Variants in DPH7 observed in about 807,000 individuals in gnomAD.
DPH7 encodes diphthamide biosynthesis 7, also known as diphthine methyltransferase.
DPH7 carries 44 observed loss-of-function variants against 41.7 expected under a neutral mutation model. That is an observed-to-expected ratio of 1.05 (90% CI 0.83 to 1.36). The LOEUF is 1.36. Among genes scored for constraint, DPH7 ranks in the 40% most tolerant of loss-of-function variants. The pLI is 0.00. For synonymous variants in DPH7, 275 were observed against 238.0 expected, an observed-to-expected ratio of 1.16 and a Z score of -1.43; for missense variants, 629 against 577.5, an observed-to-expected ratio of 1.09 and a Z score of -0.91.
chr9:137,554,702 A>C lies in DPH7; in HGVS notation c.*537T>G, dbSNP rs1436153003. ...CAATCCTCCTGCCTCAGCCCCTTCC[A>C]AAGTGCTGGGATTACAGGCCACTGT... On this transcript the variant is annotated 3_prime_UTR_variant, in exon 9 of 9. Coordinates refer to ENST00000277540, the MANE Select transcript of DPH7 (RefSeq NM_138778.5). Among the ~76,000 whole-genome samples, 1 of 152,164 alleles carries C rather than the reference A, an allele frequency of 6.6e-6. No individual in the cohort carries two copies. The highest frequency in any genetic ancestry group is 6.6e-5 in the Admixed American group (1 of 15,266).
Position 137,555,334 on chromosome 9 carries a change from C to A in DPH7, c.1264G>T (p.Val422Leu). 6.2e-7 allele frequency: 1 copy of A among 1,614,176 alleles called. No homozygotes were observed. The highest frequency in any genetic ancestry group is 8.5e-7 in the Non-Finnish European group (1 of 1,180,024). The change falls in exon 9 of 9, where the codon GTG (valine) becomes TTG (leucine). Residue 422 changes from valine (V) to leucine (L), a missense_variant. Val to Leu is a conservative substitution (Grantham distance 32). Transcript: ENST00000277540. ...GCTGAGTCTGCTTCTTCTGGGTTCA[C>A]GCCACAGTCACGTGTGGTGGCTGCT... The part of the protein sequence containing the change: ...ATAATTRDCG[V>L]NPEEADSAFS...
chr9:137,564,752 T>C, intron 7 of DPH7, 141 bp downstream of exon 7: 1 of 1,420,754 alleles, frequency 7.0e-7, no homozygotes, highest in Non-Finnish European at 9.7e-7. Context: ...CCCATATACC[T>C]ACACTCCGGC....
intron 1 of DPH7, chr9:137,577,890 G>A: frequency 1.1e-6 from 1 of 887,414 alleles, no homozygotes; most frequent in Non-Finnish European, 1.4e-6. Flanking sequence ...ACTTACGCCT[G>A]TTGTTCCAGT....
chr9:137,569,671 G>A (rs1275811461), intron 5 of DPH7, among the ~76,000 whole-genome samples: 4 of 64,504 alleles, frequency 6.2e-5, no homozygotes, highest in Non-Finnish European at 9.1e-5. Flanking sequence ...CACCACCCAC[G>A]ACCCACCACC....
intron 8 of DPH7, among the ~76,000 whole-genome samples, chr9:137,557,180 G>A (rs938752343): frequency 1.3e-5 from 2 of 152,132 alleles, no homozygotes; most frequent in African/African-American, 2.4e-5. Flanking sequence ...CTGTGACTGC[G>A]AGTGTCAGCC....
Position 137,556,851 on chromosome 9 carries a change from CAGAG to C in DPH7, c.950-1207_950-1204del, listed in dbSNP as rs1393183743. On this transcript the variant is annotated intron_variant, in intron 8 of 8. Coordinates refer to ENST00000277540, the MANE Select transcript of DPH7 (RefSeq NM_138778.5). This position sits in a 1 kb window ranked among gnomAD's most constrained non-coding sequence, Gnocchi z 5.2. Reference sequence around the variant, plus strand: ...GGTAATAAGGCAGAGTCTAAGCCCTCAGAGAGCCACAGCCTGGGAAAAAGACAGC... The same window carrying C: ...GGTAATAAGGCAGAGTCTAAGCCCTCAGCCACAGCCTGGGAAAAAGACAGC... 2.2e-6 allele frequency: 1 copy of C among 456,688 alleles called. No homozygotes were observed. Among genetic ancestry groups the C allele is most frequent in the East Asian group, 6.9e-5 (1 of 14,394 alleles). 28.3% of individuals were successfully genotyped at this position (456,688 alleles called of 1,614,324 possible).
chr9:137,563,361 A>G (rs1838953961), intron 8 of DPH7, among the ~76,000 whole-genome samples: 1 of 151,772 alleles, frequency 6.6e-6, no homozygotes, highest in African/African-American at 2.4e-5. Flanking sequence ...TGAACCCCCC[A>G]TCTCTTCTAA....
chr9:137,573,092 TG>T (rs1373466181), intron 5 of DPH7, among the ~76,000 whole-genome samples: 1 of 152,224 alleles, frequency 6.6e-6, no homozygotes, highest in Non-Finnish European at 1.5e-5. Flanking sequence ...CGGGGCAAGG[TG>T]GCTCACGCCT....
rs1564390663 is a variant in DPH7, at chr9:137,555,252, C to T, written c.1346G>A (p.Trp449Ter). The change falls in exon 9 of 9, where the codon TGG becomes TAG. Residue 449 changes from tryptophan to a stop codon, truncating the protein, a stop_gained. Transcript: ENST00000277540. LOFTEE classifies it high-confidence loss of function. The part of the protein sequence containing the change: ...FYDHALHLWE[W>*]EGN Reference sequence around the variant, plus strand: ...ATGATTTCAAGCTCAGTTCCCCTCCCACTCCCAGAGGTGGAGCGCATGGTC... The same window carrying T: ...ATGATTTCAAGCTCAGTTCCCCTCCTACTCCCAGAGGTGGAGCGCATGGTC... The T allele has an allele frequency of 3.1e-6, 5 of 1,596,806 alleles. No homozygotes were observed. Among genetic ancestry groups the T allele is most frequent in the Non-Finnish European group, 4.3e-6 (5 of 1,169,620 alleles).
intron 5 of DPH7, among the ~76,000 whole-genome samples, chr9:137,573,360 C>CAAAAAAAAAAAAAAAAAA: frequency 2.5e-5 from 1 of 40,278 alleles, no homozygotes; most frequent in Non-Finnish European, 4.3e-5. Flanking sequence ...GACTCCATCT[C>CAAAAAAAAAAAAAAAAAA]AAAAAAAAAA....
intron 5 of DPH7, among the ~76,000 whole-genome samples, chr9:137,568,583 C>T (rs1017145093): frequency 1.3e-4 from 19 of 151,060 alleles, no homozygotes; most frequent in African/African-American, 4.6e-4. Flanking sequence ...CCCGGGGTGA[C>T]TCTGTCTGTG....
chr9:137,565,329 C>A, intron 5 of DPH7, 175 bp from the exon 6 acceptor site: 1 of 150,830 alleles, frequency 6.6e-6, no homozygotes, highest in Non-Finnish European at 1.2e-5. Flanking sequence ...GGAAGCTCCC[C>A]GGGGTGACTG....
At position 137,578,854 on chromosome 9, in the gene DPH7, C is replaced by A. The variant is rs1841916044; in HGVS notation, c.-77G>T. 2 of 1,312,390 alleles carry A rather than the reference C, an allele frequency of 1.5e-6. No homozygotes were observed. Among genetic ancestry groups the A allele is most frequent in the African/African-American group, 3.1e-5 (2 of 64,456 alleles). The allele number at this position is 1,312,390 out of a possible 1,614,324, so 81.3% of individuals were successfully genotyped here. A position where few individuals can be genotyped will look rare whatever the true frequency, so the allele number is the denominator to read the frequency against. The stretch of plus-strand genomic sequence containing the variant: ...CCGGGCTGGGTACTGCGCGGGGCGG[C>A]GAGGCCGGGGCCGGCCGGACGAGCG... On this transcript the variant is annotated 5_prime_UTR_variant, in exon 1 of 9. Transcript: ENST00000277540.
chr9:137,557,384 T>C (rs183092271), intron 8 of DPH7, among the ~76,000 whole-genome samples: 2 of 152,176 alleles, frequency 1.3e-5, no homozygotes, highest in East Asian at 1.9e-4. Context: ...CATGCACCTG[T>C]AGTACCAGCT....
At chr9:137,577,727 G>T in intron 1 of DPH7, 124 bp from the exon 2 acceptor site, 1 of 1,275,770 alleles carries the variant, frequency 7.8e-7, no homozygotes, top group Non-Finnish European at 1.1e-6. Flanking sequence ...CTGCCTGGAA[G>T]GAGAACCTCT....
At chr9:137,573,756 G>A (rs1205721359) in intron 5 of DPH7, among the ~76,000 whole-genome samples, 1 of 131,630 alleles carries the variant, frequency 7.6e-6, no homozygotes, top group Non-Finnish European at 1.6e-5. Flanking sequence ...GTTCCAGAAA[G>A]TACATTCTCC....
chr9:137,559,084 TTAGA>T (rs1464319873), intron 8 of DPH7, among the ~76,000 whole-genome samples: 3 of 152,348 alleles, frequency 2.0e-5, no homozygotes, highest in South Asian at 2.1e-4. Context: ...GATATAGATC[TTAGA>T]TAATGATTAT....
intron 8 of DPH7, among the ~76,000 whole-genome samples, chr9:137,561,021 C>CAAAAAAAA (rs869251490): frequency 2.7e-3 from 218 of 79,708 alleles, no homozygotes; most frequent in East Asian, 4.5e-3. Flanking sequence ...GACCCCATCT[C>CAAAAAAAA]AAAAAAAAAA....
intron 8 of DPH7, among the ~76,000 whole-genome samples, chr9:137,558,493 C>T (rs570661979): frequency 1.3e-5 from 2 of 152,286 alleles, no homozygotes; most frequent in Non-Finnish European, 2.9e-5. Flanking sequence ...CCATCATTAC[C>T]TTCTTAAAAA....
Sources: allele counts gnomAD v4.1 joint callset (sites outside exome capture counted in the v4.1 genomes callset), GRCh38; gene constraint gnomAD v4.1.1; non-coding constraint Gnocchi (gnomAD v3.1); transcripts MANE v1.5; gene names NCBI Gene and HGNC (gene_info 2026-07-23, HGNC 2026-07-21).